Variants in CAMK1D observed in about 807,000 individuals in gnomAD.
CAMK1D encodes the protein calcium/calmodulin-dependent protein kinase type 1D.
In CAMK1D, 9 loss-of-function variants were observed where a neutral mutation model predicts 47.7. The ratio of observed to expected loss-of-function variants is 0.19; its 90% confidence interval spans 0.11 to 0.33. The LOEUF is 0.33. Ranked by LOEUF, CAMK1D falls within the 10% of genes least tolerant of loss-of-function variation. The pLI is 1.00. For synonymous variants in CAMK1D, 184 were observed against 184.9 expected (o/e 0.99, Z 0.04); for missense variants, 291 against 488.7 (o/e 0.60, Z 3.81).
intron 2 of CAMK1D, among the ~76,000 whole-genome samples, chr10:12,577,393 C>T (rs924553200): frequency 1.3e-5 from 2 of 152,214 alleles, no homozygotes; most frequent in East Asian, 3.8e-4. Context: ...CCTGGATCTA[C>T]CCAGTTCTGG....
intron 3 of CAMK1D, among the ~76,000 whole-genome samples, chr10:12,736,790 T>C (rs1835210184): frequency 6.6e-6 from 1 of 152,180 alleles, no homozygotes; most frequent in African/African-American, 2.4e-5. Flanking sequence ...TCAAGACTCC[T>C]TTGGTTGCCA....
chr10:12,380,921 G>T (rs1049395491), intron 1 of CAMK1D, among the ~76,000 whole-genome samples: 6 of 152,176 alleles, frequency 3.9e-5, no homozygotes, highest in African/African-American at 1.4e-4. Flanking sequence ...CACACATTTA[G>T]TAATGATATA....
chr10:12,668,674 A>G (rs1181181485), intron 3 of CAMK1D, among the ~76,000 whole-genome samples: 1 of 152,252 alleles, frequency 6.6e-6, no homozygotes, highest in Non-Finnish European at 1.5e-5. Context: ...ATGCCTCTAC[A>G]GATGGTCTTT....
chr10:12,495,274 AC>A (rs1230519653), intron 1 of CAMK1D, among the ~76,000 whole-genome samples: 2 of 152,212 alleles, frequency 1.3e-5, no homozygotes, highest in African/African-American at 4.8e-5. Flanking sequence ...TTTAAAAAAA[AC>A]TTTCAGATTC....
At chr10:12,650,371 G>A (rs1305682621) in intron 2 of CAMK1D, among the ~76,000 whole-genome samples, 1 of 152,256 alleles carries the variant, frequency 6.6e-6, no homozygotes, top group African/African-American at 2.4e-5. Context: ...TCTCTGGCAG[G>A]ACATTGGTCG....
intron 2 of CAMK1D, among the ~76,000 whole-genome samples, chr10:12,561,404 T>G (rs1836939321): frequency 6.6e-6 from 1 of 152,174 alleles, no homozygotes. Flanking sequence ...AAAACCGGGC[T>G]CTGCGAAGCC....
chr10:12,428,355 G>A (rs550758789), intron 1 of CAMK1D, among the ~76,000 whole-genome samples: 1 of 152,230 alleles, frequency 6.6e-6, no homozygotes, highest in African/African-American at 2.4e-5. Context: ...GGAGCTTTTA[G>A]GCCCTTGAAT....
chr10:12,377,527 G>A (rs1046898779), intron 1 of CAMK1D, among the ~76,000 whole-genome samples: 1 of 152,030 alleles, frequency 6.6e-6, no homozygotes, highest in Non-Finnish European at 1.5e-5. Flanking sequence ...TGTTCTGCTC[G>A]CACTAAAATA....
intron 2 of CAMK1D, among the ~76,000 whole-genome samples, chr10:12,642,063 G>GAAA (rs1339177409): frequency 2.1e-5 from 3 of 145,482 alleles, no homozygotes; most frequent in Admixed American, 1.4e-4. Flanking sequence ...AAAAAAAAAA[G>GAAA]AAAGAAAAGG....
intron 2 of CAMK1D, among the ~76,000 whole-genome samples, chr10:12,633,833 A>G (rs1461268347): frequency 6.6e-6 from 1 of 152,168 alleles, no homozygotes; most frequent in African/African-American, 2.4e-5. Flanking sequence ...CTGGGATTAC[A>G]AGCGTCAGCC....
chr10:12,515,402 C>CTTTTTTTTTTTTTTTTTT (rs772694725), intron 1 of CAMK1D, among the ~76,000 whole-genome samples: 1 of 102,018 alleles, frequency 9.8e-6, no homozygotes, highest in African/African-American at 3.8e-5. Flanking sequence ...TTTTCCTTTT[C>CTTTTTTTTTTTTTTTTTT]TTTTTTTTTT....
At chr10:12,803,158 A>G (rs2131041743) in intron 6 of CAMK1D, among the ~76,000 whole-genome samples, 1 of 152,386 alleles carries the variant, frequency 6.6e-6, no homozygotes, top group African/African-American at 2.4e-5. Context: ...TATGTAAATT[A>G]CATAGCCCAG....
chr10:12,477,349 A>C (rs1833932036), intron 1 of CAMK1D, among the ~76,000 whole-genome samples: 1 of 152,128 alleles, frequency 6.6e-6, no homozygotes, highest in African/African-American at 2.4e-5. Context: ...TGGGAGGCGG[A>C]GGTTGGAGTG....
chr10:12,615,534 G>A (rs1416982879), intron 2 of CAMK1D, among the ~76,000 whole-genome samples: 1 of 148,286 alleles, frequency 6.7e-6, no homozygotes, highest in Non-Finnish European at 1.5e-5. Flanking sequence ...CGGTGTGTGT[G>A]CATGTGTACA....
chr10:12,738,099 A>G (rs898405730), intron 3 of CAMK1D, among the ~76,000 whole-genome samples: 6 of 152,244 alleles, frequency 3.9e-5, no homozygotes, highest in Non-Finnish European at 7.3e-5. Context: ...GAGAAATCTA[A>G]TTACCCAATA....
chr10:12,431,864 A>G (rs981182806), intron 1 of CAMK1D, among the ~76,000 whole-genome samples: 3 of 152,156 alleles, frequency 2.0e-5, no homozygotes, highest in African/African-American at 7.2e-5. Context: ...GTTCTTGGCA[A>G]CCTCTGATGA....
chr10:12,383,808 G>C (rs893904481), intron 1 of CAMK1D, among the ~76,000 whole-genome samples: 1 of 152,212 alleles, frequency 6.6e-6, no homozygotes, highest in Non-Finnish European at 1.5e-5. Context: ...AGCGACACAA[G>C]AGTGTCTGCT....
At chr10:12,670,795 C>T (rs1407062027) in intron 3 of CAMK1D, among the ~76,000 whole-genome samples, 1 of 152,162 alleles carries the variant, frequency 6.6e-6, no homozygotes, top group Non-Finnish European at 1.5e-5. Context: ...GTGATCCACC[C>T]ACCTCAGCTT....
chr10:12,578,439 G>A (rs1038197847), intron 2 of CAMK1D, among the ~76,000 whole-genome samples: 3 of 151,744 alleles, frequency 2.0e-5, no homozygotes, highest in African/African-American at 4.8e-5. Flanking sequence ...GCGTGGTGGT[G>A]CATCCCTGTA....
Sources: allele counts gnomAD v4.1 joint callset (sites outside exome capture counted in the v4.1 genomes callset), GRCh38; gene constraint gnomAD v4.1.1; transcripts MANE v1.5; gene names NCBI Gene and HGNC (gene_info 2026-07-23, HGNC 2026-07-21).